TMX3: variants seen among roughly 807,000 people sequenced by gnomAD.
TMX3 encodes the protein protein disulfide-isomerase TMX3.
In TMX3, 40 loss-of-function variants were observed where a neutral mutation model predicts 64.4. The ratio of observed to expected loss-of-function variants is 0.62; its 90% CI spans 0.48 to 0.81. The LOEUF (loss-of-function observed/expected upper bound fraction) is 0.81. TMX3 is among the 30% of genes least tolerant of loss of function. TMX3 has a pLI of 0.00. For missense variants in TMX3, 497 were observed against 534.5 expected (o/e 0.93, Z 0.69); for synonymous variants, 189 against 175.7 (o/e 1.08, Z -0.60).
At chr18:68,679,635 A>G in intron 14 of TMX3, 104 bp from the exon 15 acceptor site, 1 of 889,542 alleles carries the variant, frequency 1.1e-6, no homozygotes, top group Non-Finnish European at 1.7e-6. Context: ...ACTCCAAAAT[A>G]TTACATAATC....
intron 8 of TMX3, among the ~76,000 whole-genome samples, chr18:68,696,138 A>G (rs1915047381): frequency 6.6e-6 from 1 of 152,144 alleles, no homozygotes; most frequent in Non-Finnish European, 1.5e-5. Context: ...TATTTGCCCC[A>G]ACTATTACAC....
At chr18:68,693,603 A>G (rs967952014) in intron 8 of TMX3, among the ~76,000 whole-genome samples, 2 of 152,150 alleles carry the variant, frequency 1.3e-5, no homozygotes, top group Non-Finnish European at 2.9e-5. Context: ...CCAGCTCCCA[A>G]CAGTGCCTGG....
At chr18:68,698,906 C>T (rs1384039901) in intron 6 of TMX3, among the ~76,000 whole-genome samples, 2 of 151,564 alleles carry the variant, frequency 1.3e-5, no homozygotes, top group African/African-American at 4.9e-5. Context: ...CCTGTAGTCC[C>T]AGCTACTCGG....
chr18:68,683,032 G>A (rs761023790), intron 12 of TMX3, 51 bp from the exon 13 acceptor site: 11 of 1,348,082 alleles, frequency 8.2e-6, no homozygotes, highest in Non-Finnish European at 1.0e-5. Context: ...GGGGTGGGGG[G>A]AGAGAGAGAG....
intron 4 of TMX3, among the ~76,000 whole-genome samples, chr18:68,702,825 A>C (rs1365150263): frequency 6.6e-6 from 1 of 152,216 alleles, no homozygotes; most frequent in African/African-American, 2.4e-5. Flanking sequence ...CACAAGAATA[A>C]GGGCAGTCGA....
intron 4 of TMX3, among the ~76,000 whole-genome samples, chr18:68,702,414 G>T (rs392934): frequency 0.037 from 5,663 of 152,046 alleles, 363 homozygotes; most frequent in African/African-American, 0.13. Flanking sequence ...ATTAAAATGA[G>T]AATAGTTGCT....
Position 68,676,937 on chromosome 18 carries a change from T to A in TMX3, c.1361A>T (p.Asp454Val). The A allele has an allele frequency of 6.2e-7, 1 of 1,611,428 alleles. No homozygotes were observed. Among genetic ancestry groups the A allele is most frequent in the Non-Finnish European group, 8.5e-7 (1 of 1,179,206 alleles). The part of the protein sequence containing the change: ...EPKDVLEKKK[D>V] The stretch of plus-strand genomic sequence containing the variant: ...ATATTTTATAGTCATCAAGTCTCAA[T>A]CTTTCTTCTTTTCTAATACATCCTT... Residue 454 changes from aspartate to valine, a missense_variant, in exon 16 of 16, where the codon GAT becomes GTT. Coordinates refer to ENST00000299608, the MANE Select transcript of TMX3 (RefSeq NM_019022.5).
At chr18:68,696,060 C>A (rs1167536357) in intron 8 of TMX3, among the ~76,000 whole-genome samples, 1 of 152,210 alleles carries the variant, frequency 6.6e-6, no homozygotes, top group Non-Finnish European at 1.5e-5. Flanking sequence ...ACGTAAAAGT[C>A]TCAGTTCAAG....
intron 14 of TMX3, 74 bp downstream of exon 14, chr18:68,680,907 C>G (rs1209606755): frequency 1.0e-5 from 14 of 1,376,168 alleles, no homozygotes; most frequent in Non-Finnish European, 1.2e-5. Context: ...TTCAGAATCA[C>G]AAGTAAAGAA....
At chr18:68,700,115 A>T (rs1915518292) in intron 6 of TMX3, among the ~76,000 whole-genome samples, 1 of 152,164 alleles carries the variant, frequency 6.6e-6, no homozygotes, top group Non-Finnish European at 1.5e-5. Flanking sequence ...GAGTTGCTAC[A>T]CGTAATCGAA....
chr18:68,710,998 T>A (rs1333097077), intron 3 of TMX3, among the ~76,000 whole-genome samples: 1 of 152,172 alleles, frequency 6.6e-6, no homozygotes, highest in African/African-American at 2.4e-5. Context: ...TTTGACTAAG[T>A]GATATTAATA....
At chr18:68,701,722 T>C in intron 5 of TMX3, 23 bp downstream of exon 5, 3 of 1,611,396 alleles carry the variant, frequency 1.9e-6, no homozygotes, top group Non-Finnish European at 2.5e-6. Flanking sequence ...AATACACATA[T>C]AAACATACAA....
At position 68,697,213 on chromosome 18, in the gene TMX3, T is replaced by C. The variant is rs770972975; in HGVS notation, c.570+13A>G. The C allele has an allele frequency of 1.4e-6, 2 of 1,435,742 alleles. No individual in the cohort carries two copies. The highest frequency in any genetic ancestry group is 4.1e-5 in the Admixed American group (2 of 48,592). The allele number at this position is 1,435,742 out of a possible 1,614,324, so 88.9% of individuals were successfully genotyped here. On this transcript the variant is annotated intron_variant, in intron 8 of 15. Transcript: ENST00000299608. ...ATAAAATTGTGTCGTTAAAATCAAA[T>C]TTTAAATATTACCTCAGGAACCACT...
chr18:68,699,449 C>T (rs139015744), intron 6 of TMX3, among the ~76,000 whole-genome samples: 3 of 152,086 alleles, frequency 2.0e-5, no homozygotes, highest in Non-Finnish European at 2.9e-5. Context: ...GAAACACGGT[C>T]GACAAGAAAA....
chr18:68,693,417 G>A (rs1259574700), intron 8 of TMX3, among the ~76,000 whole-genome samples: 1 of 152,064 alleles, frequency 6.6e-6, no homozygotes, highest in Non-Finnish European at 1.5e-5. Flanking sequence ...TCCGGGGCCT[G>A]GAAAGCAGCC....
At chr18:68,688,744 G>A (rs1349737778) in intron 9 of TMX3, 2 of 152,108 alleles carry the variant, frequency 1.3e-5, no homozygotes, top group Non-Finnish European at 1.5e-5. Context: ...AATGTCCACT[G>A]CATGCTAAAA....
At chr18:68,693,772 C>T (rs549484244) in intron 8 of TMX3, among the ~76,000 whole-genome samples, 46 of 152,122 alleles carry the variant, frequency 3.0e-4, no homozygotes, top group African/African-American at 1.0e-3. Flanking sequence ...AACTTCAGGC[C>T]AGGGAAGGCC....
chr18:68,684,216 T>C lies in TMX3; in HGVS notation c.822A>G (p.Ala274=). 1.2e-6 allele frequency: 2 copies of C among 1,612,106 alleles called. No individual in the cohort carries two copies. Among genetic ancestry groups the C allele is most frequent in the Non-Finnish European group, 1.7e-6 (2 of 1,178,658 alleles). ...TRLKSIIQEV[A]RDYRDLFHRD... is the part of the protein sequence containing the mutation. ...TATGGAAGAGGTCTCTGTAATCTCT[T>C]GCAACTTCCTGAATAATTGACTTCA... The change falls in exon 12 of 16, where the codon GCA becomes GCG. Residue 274 remains alanine (A), a synonymous_variant. Coordinates refer to ENST00000299608, the MANE Select transcript of TMX3 (RefSeq NM_019022.5).
chr18:68,681,731 T>C (rs926493294), intron 13 of TMX3, among the ~76,000 whole-genome samples: 1 of 152,198 alleles, frequency 6.6e-6, no homozygotes, highest in African/African-American at 2.4e-5. Flanking sequence ...ATTTGCTACA[T>C]CTATGATACT....
Sources: allele counts gnomAD v4.1 joint callset (sites outside exome capture counted in the v4.1 genomes callset), GRCh38; gene constraint gnomAD v4.1.1; transcripts MANE v1.5; gene names NCBI Gene and HGNC (gene_info 2026-07-23, HGNC 2026-07-21).